Variants in IFT172 observed in about 807,000 individuals in gnomAD.
IFT172 encodes intraflagellar transport 172, also known as intraflagellar transport protein 172 homolog.
In IFT172, 164 loss-of-function variants were observed where a neutral mutation model predicts 248.9. The ratio of observed to expected loss-of-function variants is 0.66; its 90% confidence interval spans 0.58 to 0.75. The LOEUF (loss-of-function observed/expected upper bound fraction) is 0.75. Among genes scored for constraint, IFT172 ranks in the 30% least tolerant of loss-of-function variants. The probability of loss-of-function intolerance (pLI) is 0.00; values close to 1 mark genes in which losing one functional copy is unlikely to be tolerated. For missense variants in IFT172, 1,950 were observed against 2,192.4 expected (o/e 0.89, Z 2.21); for synonymous variants, 729 against 791.6 (o/e 0.92, Z 1.33).
At chr2:27,467,548 G>A (rs1667191155) in intron 16 of IFT172, among the ~76,000 whole-genome samples, 1 of 146,782 alleles carries the variant, frequency 6.8e-6, no homozygotes, top group South Asian at 2.2e-4. Flanking sequence ...GGAGGCTGAG[G>A]CTGCAGTGAG....
chr2:27,486,970 T>A (rs1253022723), intron 1 of IFT172, among the ~76,000 whole-genome samples: 1 of 151,442 alleles, frequency 6.6e-6, no homozygotes, highest in Admixed American at 6.6e-5. Context: ...TTTGACGGAG[T>A]CTCACTCTGT....
At position 27,480,122 on chromosome 2, in the gene IFT172, T is replaced by G. The variant is rs1668256389; in HGVS notation, c.813A>C (p.Arg271=). Residue 271 remains arginine, a synonymous_variant, in exon 9 of 48, where the codon CGA becomes CGC. Coordinates refer to ENST00000260570, the MANE Select transcript of IFT172 (RefSeq NM_015662.3). ...DRLRVFNWIP[R]RSIWEEAKPK... Reference sequence around the variant, plus strand: ...GCTTTGCCTCTTCCCAGATGCTTCTTCGAGGGATCCAGTTGAACACCCGAA... The same window carrying G: ...GCTTTGCCTCTTCCCAGATGCTTCTGCGAGGGATCCAGTTGAACACCCGAA... 1.9e-6 allele frequency: 3 copies of G among 1,614,096 alleles called. No homozygotes were observed. Among genetic ancestry groups the G allele is most frequent in the Non-Finnish European group, 2.5e-6 (3 of 1,179,976 alleles).
intron 47 of IFT172, 73 bp from the exon 48 acceptor site, chr2:27,444,594 T>G (rs1262248650): frequency 6.9e-6 from 8 of 1,165,452 alleles, no homozygotes; most frequent in Middle Eastern, 2.0e-4. Flanking sequence ...ATCGCAGGCT[T>G]CAGGGTCTGC....
intron 17 of IFT172, 36 bp from the exon 18 acceptor site, chr2:27,465,554 G>C (rs1426430212): frequency 1.2e-6 from 2 of 1,600,440 alleles, no homozygotes; most frequent in Non-Finnish European, 1.7e-6. Context: ...AATGAATGAG[G>C]AATGGGTTAG....
At position 27,457,695 on chromosome 2, in the gene IFT172, A is replaced by G; in HGVS notation, c.3172T>C (p.Trp1058Arg). The G allele has an allele frequency of 6.2e-7, 1 of 1,614,144 alleles. No individual in the cohort carries two copies. Among genetic ancestry groups the G allele is most frequent in the Non-Finnish European group, 8.5e-7 (1 of 1,180,028 alleles). ...CGGTACATGTTCACTGTTGCCTTCCATTCCTGGGCCTCGAGGTAGTGGTAC... is the reference window on the plus strand; with the variant it reads ...CGGTACATGTTCACTGTTGCCTTCCGTTCCTGGGCCTCGAGGTAGTGGTAC... Reference protein sequence around the residue: ...AEYHYLEAQEWKATVNMYRAS... With the variant: ...AEYHYLEAQERKATVNMYRAS... The change falls in exon 29 of 48, where the codon TGG becomes CGG. Residue 1058 changes from tryptophan to arginine, a missense_variant. By Grantham distance (101) the Trp-to-Arg change is moderately radical. This residue lies in a region of IFT172 where 164 missense variants were observed against 239.3 expected (regional missense o/e 0.69). Coordinates refer to ENST00000260570, the MANE Select transcript of IFT172 (RefSeq NM_015662.3).
intron 1 of IFT172, among the ~76,000 whole-genome samples, chr2:27,486,582 C>G (rs568711616): frequency 3.9e-5 from 6 of 152,232 alleles, no homozygotes; most frequent in Non-Finnish European, 8.8e-5. Context: ...TCTCCAAAGT[C>G]AGAAGTAAAA....
At position 27,447,854 on chromosome 2, in the gene IFT172, G is replaced by A; in HGVS notation, c.4497C>T (p.Ala1499=). Reference sequence around the variant, plus strand: ...CTCGAAGATCAGCCCAGCTATGATAGGCCTCGGCACAGTTGGTTCCAGGAG... The same window carrying A: ...CTCGAAGATCAGCCCAGCTATGATAAGCCTCGGCACAGTTGGTTCCAGGAG... ...VSSPGTNCAE[A]YHSWADLRDV... Residue 1499 remains alanine, a synonymous_variant, in exon 41 of 48, where the codon GCC becomes GCT. Coordinates refer to ENST00000260570, the MANE Select transcript of IFT172 (RefSeq NM_015662.3). The A allele has an allele frequency of 6.2e-7, 1 of 1,613,938 alleles. No individual in the cohort carries two copies. The highest frequency in any genetic ancestry group is 2.2e-5 in the East Asian group (1 of 44,884).
In IFT172 at chr2:27,472,344, T is replaced by A; in HGVS notation, c.1430A>T (p.Tyr477Phe). ...TIAIVDLIGG[Y>F]NIGTVSHESR... The stretch of plus-strand genomic sequence containing the variant: ...CTCATGGCTGACGGTGCCAATGTTG[T>A]AGCCACCAATCAGATCCACTATAGA... The change falls in exon 15 of 48, where the codon TAC (tyrosine) becomes TTC (phenylalanine). Residue 477 changes from tyrosine (Y) to phenylalanine (F), a missense_variant. Physicochemically the swap from Tyr to Phe is conservative, Grantham distance 22. This residue lies in a region of IFT172 where 1,166 missense variants were observed against 1,254.1 expected (regional missense o/e 0.93). Transcript: ENST00000260570. 6.2e-7 allele frequency: 1 copy of A among 1,613,978 alleles called. No homozygotes were observed. The highest frequency in any genetic ancestry group is 8.5e-7 in the Non-Finnish European group (1 of 1,179,878).
At chr2:27,474,601 G>C (rs1228560514) in intron 14 of IFT172, among the ~76,000 whole-genome samples, 3 of 152,024 alleles carry the variant, frequency 2.0e-5, no homozygotes, top group African/African-American at 7.2e-5. Flanking sequence ...GCCCAGGTTA[G>C]AGTGCAGTGG....
In IFT172 at chr2:27,459,777, C is replaced by T. The variant is rs1312524639; in HGVS notation, c.2574G>A (p.Glu858=). The change falls in exon 24 of 48, where the codon GAG becomes GAA. Residue 858 remains glutamate (E), a synonymous_variant. Coordinates refer to ENST00000260570, the MANE Select transcript of IFT172 (RefSeq NM_015662.3). The part of the protein sequence containing the change: ...AFPVEVVKLE[E]AWGDHLVQQK... ...GCTGCACCAGGTGGTCCCCCCATGC[C>T]TCCTCTAGTTTCACCACCTCCACTG... 2 of 1,612,928 alleles carry T rather than the reference C, an allele frequency of 1.2e-6. No homozygotes were observed. The highest frequency in any genetic ancestry group is 1.1e-5 in the South Asian group (1 of 91,090).
At chr2:27,464,074 G>C (rs1666894752) in intron 18 of IFT172, among the ~76,000 whole-genome samples, 1 of 152,232 alleles carries the variant, frequency 6.6e-6, no homozygotes, top group Non-Finnish European at 1.5e-5. Flanking sequence ...AACAGTATCA[G>C]TGCGACTAAT....
intron 1 of IFT172, among the ~76,000 whole-genome samples, chr2:27,488,187 CTT>C (rs984107659): frequency 4.6e-5 from 7 of 151,504 alleles, no homozygotes; most frequent in Admixed American, 1.3e-4. Flanking sequence ...AAGTCTCACT[CTT>C]GTCCCCCAGG....
rs778725103 is a variant in IFT172 at position 27,446,244 on chromosome 2, C to T, written c.4755+16G>A. ...ACTTCCTCCTATCTGCCCCACCCTT[C>T]CTTGTCCCAGCTCACCTTGGCAGCA... On this transcript the variant is annotated intron_variant, in intron 43 of 47. Transcript: ENST00000260570. The T allele has an allele frequency of 1.2e-6, 2 of 1,612,936 alleles. No homozygotes were observed. The highest frequency in any genetic ancestry group is 1.7e-6 in the Non-Finnish European group (2 of 1,178,968).
chr2:27,446,445 AAAC>A (rs1281118617), intron 42 of IFT172, 90 bp from the exon 43 acceptor site: 42 of 1,113,692 alleles, frequency 3.8e-5, no homozygotes, highest in East Asian at 7.2e-5. Context: ...CAGAACTAAA[AAAC>A]AACAATTATT....
In IFT172 at chr2:27,445,659, C is replaced by G; in HGVS notation, c.4914+86G>C. 6.6e-7 allele frequency: 1 copy of G among 1,522,390 alleles called. No homozygotes were observed. Among genetic ancestry groups the G allele is most frequent in the Non-Finnish European group, 9.0e-7 (1 of 1,105,524 alleles). 94.3% of individuals were successfully genotyped at this position (1,522,390 alleles called of 1,614,324 possible). A position where few individuals can be genotyped will look rare whatever the true frequency, so the allele number is the denominator to read the frequency against. On this transcript the variant is annotated intron_variant, in intron 45 of 47. Coordinates refer to ENST00000260570, the MANE Select transcript of IFT172 (RefSeq NM_015662.3). This position sits in a 1 kb window ranked among gnomAD's most constrained non-coding sequence, Gnocchi z 4.4. ...AAAAACAGTGAGGGCTGAGGTCCTT[C>G]CAAAGATGGCAGCACAAAGATATTC... is the stretch of plus-strand genomic sequence containing the variant.
chr2:27,446,953 C>T lies in IFT172; in HGVS notation c.4659+562G>A, dbSNP rs1665183410. Among the ~76,000 whole-genome samples the T allele has an allele frequency of 3.9e-5, 6 of 152,202 alleles. No homozygotes were observed. In the South Asian group the frequency reaches 1.2e-3, roughly 32 times the overall value. ...TGACCTCATGATCCACCCGCCTCGG[C>T]CTCCCAAAGTGCTGGGATTACAGGC... On this transcript the variant is annotated intron_variant, in intron 42 of 47. Transcript: ENST00000260570.
Position 27,456,568 on chromosome 2 carries a change from C to T in IFT172, c.3314G>A (p.Arg1105Lys). ...AKSLGGEAAV[R>K]LLNKLGLLEA... ...CAGGAGTCCCAGCTTATTAAGCAGT[C>T]TAACTGCAGCCTCTCCTCCCAGGCT... is the stretch of plus-strand genomic sequence containing the variant. Residue 1105 changes from arginine to lysine, a missense_variant, in exon 30 of 48, where the codon AGA becomes AAA. Transcript: ENST00000260570. The T allele has an allele frequency of 1.2e-6, 2 of 1,614,160 alleles. No homozygotes were observed. The highest frequency in any genetic ancestry group is 1.7e-6 in the Non-Finnish European group (2 of 1,180,022).
intron 1 of IFT172, among the ~76,000 whole-genome samples, chr2:27,488,915 G>A (rs554032472): frequency 3.3e-5 from 5 of 152,328 alleles, no homozygotes; most frequent in South Asian, 2.1e-4. Flanking sequence ...GCTAGCGCAC[G>A]TCTGTAATCC....
chr2:27,446,175 TTCCTC>T, intron 43 of IFT172, 80 bp downstream of exon 43: 1 of 1,427,848 alleles, frequency 7.0e-7, no homozygotes, highest in Non-Finnish European at 9.9e-7. Context: ...ACACTCAGCT[TTCCTC>T]TACCAGAGCA....
Sources: allele counts gnomAD v4.1 joint callset (sites outside exome capture counted in the v4.1 genomes callset), GRCh38; gene constraint gnomAD v4.1.1; regional missense constraint gnomAD v4.1.1; non-coding constraint Gnocchi (gnomAD v3.1); transcripts MANE v1.5; gene names NCBI Gene and HGNC (gene_info 2026-07-23, HGNC 2026-07-21).